The following SCYL2 variants were observed in gnomAD, a reference collection of about 807,000 sequenced individuals.
SCYL2 encodes the protein SCY1-like protein 2.
SCYL2 carries 36 observed loss-of-function variants against 100.4 expected under a neutral mutation model. The observed-to-expected ratio is 0.36, with a 90% CI of 0.27 to 0.47. The LOEUF is 0.47. Ranked by LOEUF, SCYL2 falls within the 20% of genes least tolerant of loss-of-function variation. The probability of loss-of-function intolerance (pLI) is 1.00; values close to 1 mark genes in which losing one functional copy is unlikely to be tolerated. For synonymous variants in SCYL2, 330 were observed against 359.2 expected (o/e 0.92, Z 0.92); for missense variants, 902 against 1,083.9 (o/e 0.83, Z 2.36).
chr12:100,328,293 T>G (rs930262298), intron 12 of SCYL2, among the ~76,000 whole-genome samples: 2 of 152,152 alleles, frequency 1.3e-5, no homozygotes, highest in Admixed American at 6.5e-5. Flanking sequence ...AAAAGTCTTT[T>G]TGAGCAGGAG....
At chr12:100,299,087 T>C (rs762333552) in intron 4 of SCYL2, among the ~76,000 whole-genome samples, 18 of 152,070 alleles carry the variant, frequency 1.2e-4, no homozygotes, top group Non-Finnish European at 2.1e-4. Context: ...TTTTAAAAAT[T>C]GGCTGGGCAT....
intron 7 of SCYL2, 143 bp from the exon 8 acceptor site, chr12:100,314,346 T>C: frequency 3.4e-6 from 2 of 583,322 alleles, no homozygotes; most frequent in Non-Finnish European, 5.9e-6. Context: ...ATTCAGAGTT[T>C]TATAATTAGA....
In SCYL2 at chr12:100,339,277, GAAC is replaced by G; in HGVS notation, c.*107_*109del. ...GGAGGAAGTACTTCTATGGGAAAGT[GAAC>G]AGTTCTGTGACAGGAAACATCTCTG... On this transcript the variant is annotated 3_prime_UTR_variant, in exon 18 of 18. Transcript: ENST00000360820. The G allele has an allele frequency of 9.2e-7, 1 of 1,089,794 alleles. No homozygotes were observed. 67.5% of individuals were successfully genotyped at this position (1,089,794 alleles called of 1,614,324 possible). A position where few individuals can be genotyped will look rare whatever the true frequency, so the allele number is the denominator to read the frequency against.
chr12:100,292,601 T>G lies in SCYL2; in HGVS notation c.335+941T>G, dbSNP rs1448831213. Among the ~76,000 whole-genome samples, 4 of 152,294 alleles carry G rather than the reference T, an allele frequency of 2.6e-5. No homozygotes were observed. In the East Asian group the frequency reaches 7.7e-4, roughly 29 times the overall value. ...AGGCACAAGATCTTTTTTTTAAACATAAAAGGAAAAATACAAACATTTACT... is the reference window on the plus strand; with the variant it reads ...AGGCACAAGATCTTTTTTTTAAACAGAAAAGGAAAAATACAAACATTTACT... On this transcript the variant is annotated intron_variant, in intron 3 of 17. Transcript: ENST00000360820.
chr12:100,330,396 AT>A (rs1439918891), intron 13 of SCYL2, among the ~76,000 whole-genome samples: 1 of 152,184 alleles, frequency 6.6e-6, no homozygotes, highest in Non-Finnish European at 1.5e-5. Flanking sequence ...TATGTGACTG[AT>A]TCTTCCTGAA....
rs756570964 is a variant in SCYL2 at position 100,337,445 on chromosome 12, A to G, written c.2084A>G (p.Lys695Arg). 1.7e-5 allele frequency: 28 copies of G among 1,612,142 alleles called. No homozygotes were observed. Residue 695 changes from lysine (K) to arginine (R), a missense_variant, in exon 17 of 18, where the codon AAG becomes AGG. Transcript: ENST00000360820. ...KLAKEQEQAQ[K>R]LKSQQPLKPQ... Reference sequence around the variant, plus strand: ...GCAAAAGAACAAGAGCAGGCACAGAAGCTGAAAAGCCAGCAGCCTCTTAAA... The same window carrying G: ...GCAAAAGAACAAGAGCAGGCACAGAGGCTGAAAAGCCAGCAGCCTCTTAAA...
chr12:100,304,305 G>GAA (rs906494915), intron 4 of SCYL2, among the ~76,000 whole-genome samples: 1 of 146,092 alleles, frequency 6.8e-6, no homozygotes. Context: ...ACTGGGGTTT[G>GAA]AAAAAAAAAA....
chr12:100,305,052 G>A (rs975666002), intron 4 of SCYL2, among the ~76,000 whole-genome samples: 14 of 152,104 alleles, frequency 9.2e-5, no homozygotes, highest in African/African-American at 3.1e-4. Context: ...CGCAATAATA[G>A]TGGGTGACTT....
At chr12:100,317,563 T>C in intron 9 of SCYL2, 1 of 859,382 alleles carries the variant, frequency 1.2e-6, no homozygotes, top group Non-Finnish European at 1.6e-6. Flanking sequence ...ACTGTAGATA[T>C]GTGAGAGGAG....
At position 100,337,475 on chromosome 12, in the gene SCYL2, A is replaced by C. The variant is rs1221530303; in HGVS notation, c.2114A>C (p.Gln705Pro). ...KLKSQQPLKP[Q>P]VHTPVATVKQ... ...AAAAGCCAGCAGCCTCTTAAACCCC[A>C]AGTGCACACACCTGTTGCTACTGTT... is the stretch of plus-strand genomic sequence containing the variant. The change falls in exon 17 of 18, where the codon CAA becomes CCA. Residue 705 changes from glutamine to proline, a missense_variant. Coordinates refer to ENST00000360820, the MANE Select transcript of SCYL2 (RefSeq NM_017988.6). The C allele has an allele frequency of 6.2e-7, 1 of 1,613,284 alleles. No individual in the cohort carries two copies.
intron 4 of SCYL2, among the ~76,000 whole-genome samples, chr12:100,299,199 C>T (rs182451740): frequency 2.0e-5 from 3 of 152,168 alleles, no homozygotes; most frequent in South Asian, 2.1e-4. Context: ...AGTGCTACTG[C>T]ACTCCAGCCT....
intron 12 of SCYL2, among the ~76,000 whole-genome samples, chr12:100,328,965 G>A (rs976523154): frequency 1.3e-5 from 2 of 152,146 alleles, no homozygotes; most frequent in Non-Finnish European, 2.9e-5. Flanking sequence ...ATCATTAAAT[G>A]TACTCCTAAA....
At chr12:100,311,706 C>T (rs2096342401) in intron 5 of SCYL2, among the ~76,000 whole-genome samples, 1 of 152,134 alleles carries the variant, frequency 6.6e-6, no homozygotes, top group Admixed American at 6.6e-5. Context: ...AGTGATAGAG[C>T]CAGAATTTGA....
chr12:100,327,482 A>G (rs890060004), intron 12 of SCYL2, among the ~76,000 whole-genome samples: 2 of 152,006 alleles, frequency 1.3e-5, no homozygotes, highest in African/African-American at 4.8e-5. Flanking sequence ...AACATTTAAC[A>G]GGTTCATTTT....
intron 2 of SCYL2, among the ~76,000 whole-genome samples, chr12:100,286,548 A>G (rs2096304640): frequency 6.6e-6 from 1 of 152,098 alleles, no homozygotes; most frequent in South Asian, 2.1e-4. Context: ...GTTTTGCCCT[A>G]CTTCAGGGGC....
intron 2 of SCYL2, among the ~76,000 whole-genome samples, chr12:100,289,161 C>T (rs1007106388): frequency 6.6e-6 from 1 of 152,166 alleles, no homozygotes; most frequent in Non-Finnish European, 1.5e-5. Context: ...TACCTCCTGG[C>T]TGTCCTGTGC....
chr12:100,279,484 A>G (rs2096295919), intron 1 of SCYL2, among the ~76,000 whole-genome samples: 1 of 152,182 alleles, frequency 6.6e-6, no homozygotes, highest in Non-Finnish European at 1.5e-5. Flanking sequence ...CATGTCTGAT[A>G]GTTGTTGATT....
chr12:100,318,296 T>A (rs1172599562), intron 10 of SCYL2, among the ~76,000 whole-genome samples: 7 of 151,920 alleles, frequency 4.6e-5, no homozygotes, highest in Admixed American at 4.6e-4. Flanking sequence ...TGAACAAAAA[T>A]TCCGAAGATG....
intron 3 of SCYL2, chr12:100,291,908 C>T (rs1284306862): frequency 2.5e-6 from 1 of 395,702 alleles, no homozygotes; most frequent in African/African-American, 2.1e-5. Context: ...GTGCTCATGA[C>T]TACAATAGTC....
Sources: allele counts gnomAD v4.1 joint callset (sites outside exome capture counted in the v4.1 genomes callset), GRCh38; gene constraint gnomAD v4.1.1; transcripts MANE v1.5; gene names NCBI Gene and HGNC (gene_info 2026-07-23, HGNC 2026-07-21).